Variants in WWOX observed in about 807,000 individuals in gnomAD.
WWOX encodes the protein WW domain containing oxidoreductase, also known as WW domain-containing oxidoreductase.
WWOX carries 69 observed loss-of-function variants against 46.2 expected under a neutral mutation model. The observed-to-expected ratio is 1.49, with a 90% CI of 1.23 to 1.82. WWOX has a LOEUF of 1.82. Ranked by LOEUF, WWOX falls within the 40% of genes most tolerant of loss-of-function variation. WWOX has a pLI of 0.00. For synonymous variants in WWOX, 359 were observed against 202.6 expected, an observed-to-expected ratio of 1.77 and a Z score of -6.56; for missense variants, 919 against 542.6, an observed-to-expected ratio of 1.69 and a Z score of -6.89.
chr16:78,720,461 A>AT (rs886781898), intron 8 of WWOX, among the ~76,000 whole-genome samples: 12 of 121,214 alleles, frequency 9.9e-5, no homozygotes, highest in East Asian at 4.6e-4. Context: ...TTGCAATGTT[A>AT]TTTTTTTTTC....
At chr16:79,076,321 A>C (rs761084643) in intron 8 of WWOX, among the ~76,000 whole-genome samples, 4 of 152,182 alleles carry the variant, frequency 2.6e-5, no homozygotes, top group Non-Finnish European at 5.9e-5. Context: ...ATTTCTTACT[A>C]TCTTGGGCCT....
At chr16:78,981,964 C>G (rs764826130) in intron 8 of WWOX, 11 of 152,134 alleles carry the variant, frequency 7.2e-5, no homozygotes, top group Non-Finnish European at 1.3e-4. Context: ...GAGACCCTCC[C>G]AGAACATTGA....
chr16:79,198,146 G>T (rs1460592396), intron 8 of WWOX, among the ~76,000 whole-genome samples: 1 of 150,696 alleles, frequency 6.6e-6, no homozygotes, highest in South Asian at 2.1e-4. Context: ...CCAACATGGT[G>T]AAACCCCGTC....
At chr16:78,911,999 A>G (rs1459366642) in intron 8 of WWOX, among the ~76,000 whole-genome samples, 5 of 152,040 alleles carry the variant, frequency 3.3e-5, no homozygotes, top group Non-Finnish European at 7.4e-5. Context: ...CCTTACCCAG[A>G]AAAATACACA....
At position 78,300,189 on chromosome 16, in the gene WWOX, A is replaced by G. The variant is rs143945743; in HGVS notation, c.517-86671A>G. ...AATCTTCTAGAAGATATCTACGTTT[A>G]TTCAATAATTTCCTAAGGTAGTCTT... On this transcript the variant is annotated intron_variant, in intron 5 of 8. Coordinates refer to ENST00000566780, the MANE Select transcript of WWOX (RefSeq NM_016373.4). 5.2e-3 allele frequency among the ~76,000 whole-genome samples: 792 copies of G among 152,344 alleles called. 5 individuals are homozygous for G. The highest frequency in any genetic ancestry group is 9.8e-3 in the Non-Finnish European group (664 of 68,030).
At chr16:78,628,452 C>T (rs776542915) in intron 8 of WWOX, among the ~76,000 whole-genome samples, 3 of 152,096 alleles carry the variant, frequency 2.0e-5, no homozygotes, top group Non-Finnish European at 2.9e-5. Flanking sequence ...CTATCAAGCT[C>T]CCAAGGGGAC....
At chr16:78,334,201 A>C (rs2080825212) in intron 5 of WWOX, among the ~76,000 whole-genome samples, 1 of 152,194 alleles carries the variant, frequency 6.6e-6, no homozygotes, top group Non-Finnish European at 1.5e-5. Flanking sequence ...AATTAAGACA[A>C]ATGATACCAC....
chr16:78,976,504 C>T (rs1242893829), intron 8 of WWOX, among the ~76,000 whole-genome samples: 1 of 152,174 alleles, frequency 6.6e-6, no homozygotes, highest in African/African-American at 2.4e-5. Flanking sequence ...TCTGCTTAAG[C>T]AAGAACGTGA....
At chr16:78,381,597 A>T (rs535345166) in intron 5 of WWOX, among the ~76,000 whole-genome samples, 1 of 152,292 alleles carries the variant, frequency 6.6e-6, no homozygotes, top group Admixed American at 6.5e-5. Context: ...ATACATTAAC[A>T]TTTCTGTTTT....
chr16:79,158,339 C>T (rs2050421772), intron 8 of WWOX, among the ~76,000 whole-genome samples: 1 of 152,156 alleles, frequency 6.6e-6, no homozygotes, highest in Non-Finnish European at 1.5e-5. Context: ...GTGGAAAAAT[C>T]ACACGTTGGA....
At chr16:78,627,500 A>T (rs2046336877) in intron 8 of WWOX, among the ~76,000 whole-genome samples, 1 of 152,242 alleles carries the variant, frequency 6.6e-6, no homozygotes, top group South Asian at 2.1e-4. Flanking sequence ...TCTTTGAATA[A>T]TGGCCCAGGA....
chr16:78,827,429 G>T (rs1195668136), intron 8 of WWOX, among the ~76,000 whole-genome samples: 1 of 152,064 alleles, frequency 6.6e-6, no homozygotes, highest in East Asian at 1.9e-4. Context: ...GGTCAGGTGT[G>T]TAGTCTCGAA....
chr16:78,462,239 G>A (rs1041526585), intron 8 of WWOX, among the ~76,000 whole-genome samples: 2 of 150,162 alleles, frequency 1.3e-5, no homozygotes, highest in Non-Finnish European at 2.9e-5. Context: ...TCTTGCTCAC[G>A]CTCTTTTTTT....
chr16:78,486,101 G>GTGGTGGTA (rs1160871860), intron 8 of WWOX, among the ~76,000 whole-genome samples: 1 of 152,192 alleles, frequency 6.6e-6, no homozygotes, highest in Non-Finnish European at 1.5e-5. Flanking sequence ...GAGGGGGTGT[G>GTGGTGGTA]TGGTGGTATG....
intron 8 of WWOX, among the ~76,000 whole-genome samples, chr16:78,845,946 A>G (rs941311917): frequency 1.4e-5 from 2 of 140,630 alleles, no homozygotes; most frequent in Non-Finnish European, 2.9e-5. Context: ...AGTTTTTCCC[A>G]TAAAATAATT....
chr16:79,165,633 C>G (rs1385346253), intron 8 of WWOX, among the ~76,000 whole-genome samples: 1 of 152,132 alleles, frequency 6.6e-6, no homozygotes, highest in Non-Finnish European at 1.5e-5. Flanking sequence ...GACTCATTGT[C>G]CAGAAGATTC....
At chr16:78,406,587 G>A (rs1427699898) in intron 6 of WWOX, among the ~76,000 whole-genome samples, 7 of 149,812 alleles carry the variant, frequency 4.7e-5, no homozygotes, top group Non-Finnish European at 8.9e-5. Context: ...CTGACCTCGT[G>A]ATCCGCCTGC....
chr16:78,314,707 T>TTTG (rs1555517893), intron 5 of WWOX, among the ~76,000 whole-genome samples: 13 of 95,884 alleles, frequency 1.4e-4, no homozygotes, highest in East Asian at 3.8e-4. Flanking sequence ...TTTTGTTTTT[T>TTTG]TTTTTTTTTT....
rs995131435 is a variant in WWOX, at chr16:78,736,730, G to C, written c.1056+303978G>C. 2.0e-5 allele frequency among the ~76,000 whole-genome samples: 3 copies of C among 152,056 alleles called. 1 individual carries two copies. In the East Asian group the frequency reaches 5.8e-4, roughly 29 times the overall value. ...CTCCCACCTCAACGTCCTGAGTAGG[G>C]AGGGCACTACAGGCGCATGCCTCCA... is the stretch of plus-strand genomic sequence containing the variant. On this transcript the variant is annotated intron_variant, in intron 8 of 8. Transcript: ENST00000566780.
Sources: gnomAD v4.1 joint callset for allele counts (sites outside exome capture counted in the v4.1 genomes callset) on GRCh38, gnomAD v4.1.1 for gene constraint, MANE v1.5 for transcripts, NCBI Gene and HGNC (gene_info 2026-07-23, HGNC 2026-07-21) for gene names.